The following FAM163A variants were observed in gnomAD, a reference collection of about 807,000 sequenced individuals.
FAM163A encodes the protein family with sequence similarity 163 member A.
A neutral mutation model predicts 12.0 loss-of-function variants in FAM163A; 7 were observed. The ratio of observed to expected loss-of-function variants is 0.58; its 90% CI spans 0.33 to 1.10. The LOEUF (loss-of-function observed/expected upper bound fraction) is 1.10. Ranked by LOEUF, FAM163A falls within the 50% of genes least tolerant of loss-of-function variation. The pLI is 0.03. For synonymous variants in FAM163A, 101 were observed against 91.0 expected, an observed-to-expected ratio of 1.11 and a Z score of -0.62; for missense variants, 202 against 218.6, an observed-to-expected ratio of 0.92 and a Z score of 0.48.
upstream of FAM163A, chr1:179,742,575 G>A (rs1683777000): frequency 6.6e-6 from 1 of 152,246 alleles, no homozygotes. Context: ...CCCCTCTCAG[G>A]CCGTCATGTT....
chr1:179,775,437 T>C (rs1264255284), intron 1 of FAM163A, among the ~76,000 whole-genome samples: 1 of 152,190 alleles, frequency 6.6e-6, no homozygotes, highest in Non-Finnish European at 1.5e-5. Context: ...TCTGGTCCTT[T>C]TGTTACTTAG....
chr1:179,765,894 G>GCCT (rs1304697805), intron 1 of FAM163A, among the ~76,000 whole-genome samples: 1 of 152,068 alleles, frequency 6.6e-6, no homozygotes, highest in African/African-American at 2.4e-5. Flanking sequence ...CCAAAGCTGG[G>GCCT]CCTCCAGGCT....
chr1:179,740,771 G>A (rs1300579527), upstream of FAM163A, among the ~76,000 whole-genome samples: 1 of 152,128 alleles, frequency 6.6e-6, no homozygotes, highest in African/African-American at 2.4e-5. Context: ...GTGTGGCTAC[G>A]AAAGGGCAAT....
intron 1 of FAM163A, among the ~76,000 whole-genome samples, chr1:179,782,622 C>T (rs1689953099): frequency 6.6e-6 from 1 of 152,188 alleles, no homozygotes; most frequent in Non-Finnish European, 1.5e-5. Context: ...CCTGAAGCTG[C>T]TGCCATCTCC....
chr1:179,772,790 C>G (rs1688452161), intron 1 of FAM163A, among the ~76,000 whole-genome samples: 1 of 151,804 alleles, frequency 6.6e-6, no homozygotes, highest in African/African-American at 2.4e-5. Flanking sequence ...AGGGCCCTAG[C>G]TTTCTGTTTC....
At position 179,765,773 on chromosome 1, in the gene FAM163A, C is replaced by G. The variant is rs138782443; in HGVS notation, c.-136+22350C>G. ...TTTCTCTCTCACATCCATGGTTTTG[C>G]TCTCTTGAATGGTGGACAAAGGGTG... On this transcript the variant is annotated intron_variant, in intron 1 of 4. Transcript: ENST00000341785. 4.7e-3 allele frequency among the ~76,000 whole-genome samples: 690 copies of G among 146,138 alleles called. 13 individuals carry two copies. The highest frequency in any genetic ancestry group is 0.017 in the African/African-American group (657 of 38,854).
At chr1:179,801,021 CTGT>C (rs1181708686) in intron 1 of FAM163A, among the ~76,000 whole-genome samples, 1 of 152,166 alleles carries the variant, frequency 6.6e-6, no homozygotes, top group Non-Finnish European at 1.5e-5. Flanking sequence ...CTGAGGACTG[CTGT>C]TCTCATGGTC....
At chr1:179,734,761 C>T in the FAM163A span, among the ~76,000 whole-genome samples, 1 of 152,142 alleles carries the variant, frequency 6.6e-6, no homozygotes, top group East Asian at 1.9e-4. Flanking sequence ...AACATTCAGT[C>T]CATTGCAGTA....
At chr1:179,748,463 G>A (rs968388088) in intron 1 of FAM163A, among the ~76,000 whole-genome samples, 1 of 152,168 alleles carries the variant, frequency 6.6e-6, no homozygotes, top group Non-Finnish European at 1.5e-5. Context: ...AGTAGTGGAG[G>A]ACCAGTTTAA....
intron 1 of FAM163A, among the ~76,000 whole-genome samples, chr1:179,759,959 GC>G (rs1021276362): frequency 6.6e-6 from 1 of 152,114 alleles, no homozygotes; most frequent in African/African-American, 2.4e-5. Flanking sequence ...GAGCCACCAC[GC>G]CCCGCCTGAT....
upstream of FAM163A, chr1:179,743,271 C>T (rs1185025972): frequency 6.6e-6 from 1 of 152,246 alleles, no homozygotes; most frequent in Non-Finnish European, 1.5e-5. Context: ...GGCGATGAGG[C>T]TCCACGCCCG....
intron 1 of FAM163A, among the ~76,000 whole-genome samples, chr1:179,798,705 A>G (rs1692735062): frequency 6.6e-6 from 1 of 152,210 alleles, no homozygotes; most frequent in Non-Finnish European, 1.5e-5. Flanking sequence ...TAAATAGGCC[A>G]GGCCCTCTGG....
chr1:179,735,543 G>A, the FAM163A span, among the ~76,000 whole-genome samples: 45 of 113,280 alleles, frequency 4.0e-4, 1 homozygote, highest in East Asian at 0.012. Context: ...TCGTTGTGTC[G>A]CCCAGGCTGG....
upstream of FAM163A, among the ~76,000 whole-genome samples, chr1:179,740,988 G>C (rs569771652): frequency 2.6e-5 from 4 of 152,106 alleles, no homozygotes; most frequent in Non-Finnish European, 4.4e-5. Context: ...TTTAAAAAGC[G>C]ACTCTTGATC....
chr1:179,775,101 G>A (rs1241240165), intron 1 of FAM163A, among the ~76,000 whole-genome samples: 2 of 152,200 alleles, frequency 1.3e-5, no homozygotes, highest in African/African-American at 2.4e-5. Context: ...GGGCCTGGGT[G>A]CAGAATTTTC....
upstream of FAM163A, among the ~76,000 whole-genome samples, chr1:179,740,769 A>C (rs890381003): frequency 2.0e-5 from 3 of 152,178 alleles, no homozygotes; most frequent in African/African-American, 7.2e-5. Context: ...AGGTGTGGCT[A>C]CGAAAGGGCA....
chr1:179,793,832 G>A (rs1691873680), intron 1 of FAM163A, among the ~76,000 whole-genome samples: 1 of 152,256 alleles, frequency 6.6e-6, no homozygotes, highest in Non-Finnish European at 1.5e-5. Context: ...CCAGGTTGCA[G>A]AGTGCCACCA....
At chr1:179,748,563 G>A (rs1009499123) in intron 1 of FAM163A, among the ~76,000 whole-genome samples, 2 of 152,186 alleles carry the variant, frequency 1.3e-5, no homozygotes, top group African/African-American at 2.4e-5. Flanking sequence ...GGTTGCCCAC[G>A]GGCAGTGCGG....
upstream of FAM163A, among the ~76,000 whole-genome samples, chr1:179,739,012 C>A (rs990265665): frequency 5.9e-5 from 9 of 151,970 alleles, no homozygotes; most frequent in African/African-American, 2.2e-4. Flanking sequence ...AAAAATAAAC[C>A]CACACAACTA....
Sources: gnomAD v4.1 joint callset for allele counts (sites outside exome capture counted in the v4.1 genomes callset) on GRCh38, gnomAD v4.1.1 for gene constraint, MANE v1.5 for transcripts, NCBI Gene and HGNC (gene_info 2026-07-23, HGNC 2026-07-21) for gene names.